The following BPNT2 variants were observed in gnomAD, a reference collection of about 807,000 sequenced individuals.
The protein encoded by BPNT2 is Golgi-resident adenosine 3',5'-bisphosphate 3'-phosphatase.
BPNT2 carries 11 observed loss-of-function variants against 29.3 expected under a neutral mutation model. The observed-to-expected ratio is 0.38, with a 90% CI of 0.24 to 0.62. BPNT2 has a LOEUF of 0.62. Ranked by LOEUF, BPNT2 falls within the 20% of genes least tolerant of loss-of-function variation. The pLI, the probability that BPNT2 is intolerant of heterozygous loss-of-function variation, is 0.62. For synonymous variants in BPNT2, 195 were observed against 187.7 expected, an observed-to-expected ratio of 1.04 and a Z score of -0.32; for missense variants, 459 against 473.4, an observed-to-expected ratio of 0.97 and a Z score of 0.28.
At position 56,993,451 on chromosome 8, in the gene BPNT2, A is replaced by AGGCTCGCCGCCC. The variant is rs1806454368; in HGVS notation, c.123_134dup (p.Glu44_Gly47dup). The AGGCTCGCCGCCC allele has an allele frequency of 2.7e-6, 4 of 1,473,932 alleles. No individual in the cohort carries two copies. The highest frequency in any genetic ancestry group is 2.7e-5 in the Admixed American group (1 of 37,076). The allele number at this position is 1,473,932 out of a possible 1,614,324, so 91.3% of individuals were successfully genotyped here. ...CCGCGGGCCCCGCCGCGCCGCCGCCAGGCTCGCCGCCCAGGCCGAAGAGGC... is the reference window on the plus strand; with the variant it reads ...CCGCGGGCCCCGCCGCGCCGCCGCCAGGCTCGCCGCCCGGCTCGCCGCCCAGGCCGAAGAGGC... On this transcript the variant is annotated inframe_insertion, in exon 1 of 5. Transcript: ENST00000262644.
chr8:56,978,721 G>C (rs1806188548), intron 2 of BPNT2, among the ~76,000 whole-genome samples: 1 of 151,366 alleles, frequency 6.6e-6, no homozygotes, highest in East Asian at 1.9e-4. Flanking sequence ...CCATAAAAAA[G>C]AACATGATCA....
chr8:56,989,552 C>A (rs1806378858), intron 1 of BPNT2, among the ~76,000 whole-genome samples: 2 of 152,082 alleles, frequency 1.3e-5, no homozygotes, highest in South Asian at 4.2e-4. Flanking sequence ...GAAGGCTATG[C>A]AAATGTTAGC....
intron 3 of BPNT2, among the ~76,000 whole-genome samples, chr8:56,967,969 G>A (rs545607947): frequency 6.6e-6 from 1 of 151,924 alleles, no homozygotes; most frequent in Non-Finnish European, 1.5e-5. Flanking sequence ...GGCCCAAACA[G>A]GGATAAGAAG....
At chr8:56,972,743 T>G (rs532337734) in intron 3 of BPNT2, among the ~76,000 whole-genome samples, 1 of 152,022 alleles carries the variant, frequency 6.6e-6, no homozygotes, top group Admixed American at 6.5e-5. Flanking sequence ...GAGTAGCAGC[T>G]TCTACCAACC....
chr8:56,973,081 C>T (rs1306731788), intron 3 of BPNT2, among the ~76,000 whole-genome samples: 1 of 152,108 alleles, frequency 6.6e-6, no homozygotes. Flanking sequence ...AACAAGAAGG[C>T]CTGGACAACA....
At position 56,982,891 on chromosome 8, in the gene BPNT2, A is replaced by G. The variant is rs949054918; in HGVS notation, c.388-2694T>C. Reference sequence around the variant, plus strand: ...TAAATATATTTGGTATATCCATACAATGGAAAGTTACTCAGCCATATATAC... The same window carrying G: ...TAAATATATTTGGTATATCCATACAGTGGAAAGTTACTCAGCCATATATAC... On this transcript the variant is annotated intron_variant, in intron 1 of 4. Transcript: ENST00000262644. 2.6e-5 allele frequency among the ~76,000 whole-genome samples: 4 copies of G among 152,228 alleles called. 1 individual carries two copies. Among genetic ancestry groups the G allele is most frequent in the Non-Finnish European group, 5.9e-5 (4 of 68,034 alleles).
chr8:56,974,155 T>A (rs1022100843), intron 3 of BPNT2, among the ~76,000 whole-genome samples: 7 of 152,176 alleles, frequency 4.6e-5, no homozygotes, highest in Non-Finnish European at 1.0e-4. Context: ...AAACAGTACA[T>A]CATAAATATG....
At chr8:56,992,081 G>C (rs1195020134) in intron 1 of BPNT2, among the ~76,000 whole-genome samples, 1 of 151,968 alleles carries the variant, frequency 6.6e-6, no homozygotes, top group Admixed American at 6.5e-5. Context: ...GAAGAGAGGA[G>C]AATAAAAAAC....
chr8:56,969,872 T>C (rs1806004256), intron 3 of BPNT2, among the ~76,000 whole-genome samples: 1 of 152,204 alleles, frequency 6.6e-6, no homozygotes, highest in Non-Finnish European at 1.5e-5. Flanking sequence ...TGGAAAAACA[T>C]GTTACCGCTG....
intron 2 of BPNT2, 29 bp from the exon 3 acceptor site, chr8:56,978,174 A>G: frequency 7.5e-7 from 1 of 1,332,446 alleles, no homozygotes; most frequent in Non-Finnish European, 1.1e-6. Context: ...AACAACACAC[A>G]CAAATGTCAA....
intron 1 of BPNT2, 67 bp downstream of exon 1, chr8:56,993,132 T>C: frequency 6.5e-7 from 1 of 1,548,612 alleles, no homozygotes; most frequent in Non-Finnish European, 8.7e-7. Flanking sequence ...CATCCCATAC[T>C]GTTAAGAGTC....
At chr8:56,974,584 A>G (rs1806098162) in intron 3 of BPNT2, among the ~76,000 whole-genome samples, 1 of 152,216 alleles carries the variant, frequency 6.6e-6, no homozygotes, top group African/African-American at 2.4e-5. Context: ...GGAGGGCACA[A>G]GCAAACATTC....
chr8:56,968,878 T>G (rs1300886654), intron 3 of BPNT2, among the ~76,000 whole-genome samples: 1 of 152,232 alleles, frequency 6.6e-6, no homozygotes, highest in Non-Finnish European at 1.5e-5. Flanking sequence ...GCAGGATCTT[T>G]GCAAATGCAA....
intron 3 of BPNT2, among the ~76,000 whole-genome samples, chr8:56,968,747 C>A (rs1805987987): frequency 6.6e-6 from 1 of 152,138 alleles, no homozygotes; most frequent in Non-Finnish European, 1.5e-5. Context: ...GGAAATTTGC[C>A]CAGAATGCCA....
chr8:56,970,643 A>C (rs1165441111), intron 3 of BPNT2, among the ~76,000 whole-genome samples: 2 of 152,154 alleles, frequency 1.3e-5, no homozygotes, highest in Non-Finnish European at 1.5e-5. Flanking sequence ...GACATTAGGA[A>C]ATAACTGTTA....
At position 56,961,619 on chromosome 8, in the gene BPNT2, C is replaced by A. The variant is rs1236971324; in HGVS notation, c.*2174G>T. On this transcript the variant is annotated 3_prime_UTR_variant, in exon 5 of 5. Coordinates refer to ENST00000262644, the MANE Select transcript of BPNT2 (RefSeq NM_017813.5). ...TTGGGAGGCCGAGGTGGGCGGATCA[C>A]CTGAGGTCGGGAGTTCGAGACCAGC... 1 of 152,024 alleles carries A rather than the reference C, an allele frequency of 6.6e-6. No homozygotes were observed. Among genetic ancestry groups the A allele is most frequent in the Non-Finnish European group, 1.5e-5 (1 of 68,010 alleles). The allele number at this position is 152,024 out of a possible 1,614,324, so 9.4% of individuals were successfully genotyped here. A position where few individuals can be genotyped will look rare whatever the true frequency, so the allele number is the denominator to read the frequency against.
intron 3 of BPNT2, among the ~76,000 whole-genome samples, chr8:56,971,259 A>T (rs1326558491): frequency 6.8e-6 from 1 of 148,014 alleles, no homozygotes; most frequent in Non-Finnish European, 1.5e-5. Flanking sequence ...TTTTACCTGT[A>T]AGATAAGCTT....
chr8:56,980,817 T>TAC (rs1343746473), intron 1 of BPNT2, among the ~76,000 whole-genome samples: 28 of 67,902 alleles, frequency 4.1e-4, no homozygotes, highest in African/African-American at 2.0e-3. Flanking sequence ...CATACATACA[T>TAC]ATACACACAC....
rs192680004 is a variant in BPNT2 at position 56,967,339 on chromosome 8, G to A, written c.647-987C>T. 1.2e-5 allele frequency: 5 copies of A among 432,598 alleles called. No individual in the cohort carries two copies. In the Admixed American group the frequency reaches 1.3e-4, roughly 11 times the overall value. 26.8% of individuals were successfully genotyped at this position (432,598 alleles called of 1,614,324 possible). A position where few individuals can be genotyped will look rare whatever the true frequency, so the allele number is the denominator to read the frequency against. On this transcript the variant is annotated intron_variant, in intron 3 of 4. Transcript: ENST00000262644. ...TAAAAACTATACACAGCAACAAGAAGAACAAATAGAAATACCCATGCTCTG... is the reference window on the plus strand; with the variant it reads ...TAAAAACTATACACAGCAACAAGAAAAACAAATAGAAATACCCATGCTCTG...
Sources: gnomAD v4.1 joint callset for allele counts (sites outside exome capture counted in the v4.1 genomes callset) on GRCh38, gnomAD v4.1.1 for gene constraint, MANE v1.5 for transcripts, NCBI Gene and HGNC (gene_info 2026-07-23, HGNC 2026-07-21) for gene names.